The following TTC7B variants were observed in gnomAD, a reference collection of about 807,000 sequenced individuals.
TTC7B encodes tetratricopeptide repeat domain 7B, also known as tetratricopeptide repeat protein 7B.
Under a neutral mutation model 106.8 loss-of-function variants are expected in TTC7B, and 28 were observed. The ratio of observed to expected loss-of-function variants is 0.26; its 90% CI spans 0.19 to 0.36. TTC7B has a LOEUF of 0.36. Among genes scored for constraint, TTC7B ranks in the 10% least tolerant of loss-of-function variants. The probability of loss-of-function intolerance (pLI) is 1.00; values close to 1 mark genes in which losing one functional copy is unlikely to be tolerated. For missense variants in TTC7B, 862 were observed against 1,076.4 expected, an observed-to-expected ratio of 0.80 and a Z score of 2.79; for synonymous variants, 405 against 430.6, an observed-to-expected ratio of 0.94 and a Z score of 0.74.
chr14:90,552,197 G>A (rs912184685), intron 19 of TTC7B, among the ~76,000 whole-genome samples: 7 of 152,174 alleles, frequency 4.6e-5, no homozygotes, highest in Non-Finnish European at 1.0e-4. Context: ...GCCCGTCAGA[G>A]CTCCACCGTG....
chr14:90,670,460 A>G (rs1281800805), intron 9 of TTC7B, among the ~76,000 whole-genome samples: 1 of 152,244 alleles, frequency 6.6e-6, no homozygotes, highest in Non-Finnish European at 1.5e-5. Flanking sequence ...GAATGTAATT[A>G]AATGCAACGG....
intron 19 of TTC7B, among the ~76,000 whole-genome samples, chr14:90,561,283 G>A (rs565315791): frequency 7.2e-5 from 11 of 152,338 alleles, no homozygotes; most frequent in African/African-American, 2.6e-4. Flanking sequence ...CATTCAACTG[G>A]ATCTAATCAA....
intron 3 of TTC7B, chr14:90,766,426 T>G: frequency 1.8e-6 from 1 of 565,094 alleles, no homozygotes; most frequent in Non-Finnish European, 3.2e-6. Flanking sequence ...AAGAAAATGA[T>G]GTATGAACAA....
chr14:90,555,879 G>A (rs1003084959), intron 19 of TTC7B, among the ~76,000 whole-genome samples: 8 of 152,258 alleles, frequency 5.3e-5, no homozygotes, highest in African/African-American at 1.9e-4. Context: ...GGTCACACTT[G>A]TGTCCATGCA....
chr14:90,645,857 T>C (rs900501801), intron 14 of TTC7B, among the ~76,000 whole-genome samples: 1 of 152,070 alleles, frequency 6.6e-6, no homozygotes, highest in African/African-American at 2.4e-5. Context: ...GCAATGACAA[T>C]GATGGGCATG....
chr14:90,554,857 T>G (rs978042858), intron 19 of TTC7B, among the ~76,000 whole-genome samples: 5 of 152,224 alleles, frequency 3.3e-5, no homozygotes. Flanking sequence ...TAGGATCTGA[T>G]GTTTCTGCTC....
chr14:90,574,908 C>G (rs1595171393), intron 19 of TTC7B, among the ~76,000 whole-genome samples: 2 of 152,208 alleles, frequency 1.3e-5, no homozygotes, highest in East Asian at 1.9e-4. Flanking sequence ...GGCTCCTTCC[C>G]TTGGAGCCTC....
chr14:90,772,606 G>C (rs951887111), intron 3 of TTC7B: 1 of 152,122 alleles, frequency 6.6e-6, no homozygotes, highest in African/African-American at 2.4e-5. Context: ...GATGGGTAAT[G>C]GATATCTTTA....
intron 16 of TTC7B, among the ~76,000 whole-genome samples, chr14:90,612,318 T>G (rs1330531290): frequency 1.3e-5 from 2 of 152,260 alleles, no homozygotes; most frequent in Non-Finnish European, 2.9e-5. Context: ...TGAATATTTC[T>G]GGCGCAGGTC....
chr14:90,767,788 A>G (rs1595360690), intron 3 of TTC7B, among the ~76,000 whole-genome samples: 1 of 152,240 alleles, frequency 6.6e-6, no homozygotes, highest in Non-Finnish European at 1.5e-5. Context: ...CCATCAAGAG[A>G]ACTAACATAT....
chr14:90,599,333 C>T (rs1469041963), intron 17 of TTC7B, among the ~76,000 whole-genome samples: 1 of 152,172 alleles, frequency 6.6e-6, no homozygotes, highest in Non-Finnish European at 1.5e-5. Context: ...GGACCCCTCG[C>T]CTTCCCTCTC....
intron 13 of TTC7B, 97 bp downstream of exon 13, chr14:90,652,744 C>A: frequency 7.0e-7 from 1 of 1,418,570 alleles, no homozygotes; most frequent in Non-Finnish European, 9.9e-7. Context: ...GGGTAAAACA[C>A]TGTTTACATA....
rs1319560034 is a variant in TTC7B at position 90,577,493 on chromosome 14, C to T, written c.2310+613G>A. Among the ~76,000 whole-genome samples, 1 of 152,224 alleles carries T rather than the reference C, an allele frequency of 6.6e-6. No individual in the cohort carries two copies. Among genetic ancestry groups the T allele is most frequent in the East Asian group, 1.9e-4 (1 of 5,184 alleles). On this transcript the variant is annotated intron_variant, in intron 19 of 19. Coordinates refer to ENST00000328459, the MANE Select transcript of TTC7B (RefSeq NM_001010854.2). This position sits in a 1 kb window ranked among gnomAD's most constrained non-coding sequence, Gnocchi z 5.0. Reference sequence around the variant, plus strand: ...GGCAACCCCAGGCTTTTGGCCCAGGCTGTAGACGAAGGATGTGCACTCGTT... The same window carrying T: ...GGCAACCCCAGGCTTTTGGCCCAGGTTGTAGACGAAGGATGTGCACTCGTT...
At chr14:90,697,263 T>G (rs900569546) in intron 5 of TTC7B, 1 of 147,658 alleles carries the variant, frequency 6.8e-6, no homozygotes, top group Non-Finnish European at 1.5e-5. Context: ...ATGTTTCCAG[T>G]GTCCTAGGAA....
At position 90,534,800 on chromosome 14, in the gene TTC7B, A is replaced by G. The variant is rs1454304715; in HGVS notation, c.*6568T>C. 6.6e-6 allele frequency: 1 copy of G among 152,302 alleles called. No individual in the cohort carries two copies. Among genetic ancestry groups the G allele is most frequent in the African/African-American group, 2.4e-5 (1 of 41,412 alleles). 9.4% of individuals were successfully genotyped at this position (152,302 alleles called of 1,614,324 possible). On this transcript the variant is annotated 3_prime_UTR_variant, in exon 20 of 20. Coordinates refer to ENST00000328459, the MANE Select transcript of TTC7B (RefSeq NM_001010854.2). ...GGACCTGGGCTGGGGCTGGGGCAGCAGGTGACAGGCTGGTGACAGGCCCAG... is the reference window on the plus strand; with the variant it reads ...GGACCTGGGCTGGGGCTGGGGCAGCGGGTGACAGGCTGGTGACAGGCCCAG...
intron 5 of TTC7B, among the ~76,000 whole-genome samples, chr14:90,720,797 CT>C (rs1291414331): frequency 2.0e-5 from 3 of 152,200 alleles, no homozygotes; most frequent in Non-Finnish European, 4.4e-5. Context: ...TTATCTTCCC[CT>C]TTCCTAAAGG....
intron 5 of TTC7B, among the ~76,000 whole-genome samples, chr14:90,727,271 C>T (rs575481894): frequency 3.1e-4 from 47 of 152,230 alleles, no homozygotes; most frequent in Admixed American, 5.2e-4. Flanking sequence ...GATGGACAGT[C>T]AATCCCTCCC....
intron 3 of TTC7B, among the ~76,000 whole-genome samples, chr14:90,771,550 AG>A (rs1301914946): frequency 1.6e-4 from 24 of 152,228 alleles, no homozygotes; most frequent in African/African-American, 5.3e-4. Flanking sequence ...CAGTGAGCTG[AG>A]ATTGCGCCAC....
chr14:90,745,693 C>G (rs1191701422), intron 3 of TTC7B, among the ~76,000 whole-genome samples: 1 of 151,258 alleles, frequency 6.6e-6, no homozygotes, highest in African/African-American at 2.4e-5. Context: ...AATTTGCCTT[C>G]AATTTTTGTT....
Sources: gnomAD v4.1 joint callset for allele counts (sites outside exome capture counted in the v4.1 genomes callset) on GRCh38, gnomAD v4.1.1 for gene constraint, Gnocchi (gnomAD v3.1) non-coding constraint, MANE v1.5 for transcripts, NCBI Gene and HGNC (gene_info 2026-07-23, HGNC 2026-07-21) for gene names.